The following USH2A variants were observed in gnomAD, a reference collection of about 807,000 sequenced individuals.
USH2A encodes usherin, also known as Usher syndrome 2A (autosomal recessive, mild).
Under a neutral mutation model 538.9 loss-of-function variants are expected in USH2A, and 443 were observed. That is an observed-to-expected ratio of 0.82 (90% CI 0.76 to 0.89). The LOEUF (loss-of-function observed/expected upper bound fraction) is 0.89, where lower values mean the gene tolerates loss of function less well. Ranked by LOEUF, USH2A falls within the 40% of genes least tolerant of loss-of-function variation. The pLI, the probability that USH2A is intolerant of heterozygous loss-of-function variation, is 0.00. For missense variants in USH2A, 6,633 were observed against 6,324.8 expected (o/e 1.05, Z -1.65); for synonymous variants, 2,413 against 2,273.5 (o/e 1.06, Z -1.75).
Position 216,418,515 on chromosome 1 carries a change from T to G in USH2A, c.650A>C (p.Gln217Pro), listed in dbSNP as rs1448586895. 7.4e-6 allele frequency: 12 copies of G among 1,612,936 alleles called. No homozygotes were observed. The highest frequency in any genetic ancestry group is 1.0e-5 in the Non-Finnish European group (12 of 1,179,412). ...TTAAATATTTTTTATTTTACTCACC[T>G]GCACACTAAGATGAATCCATTTCTT... ...LVKKWIHLSV[Q>P]VHQTKISFFI... Residue 217 changes from glutamine (Q) to proline (P), a missense_variant and splice_region_variant, in exon 3 of 72, where the codon CAG (glutamine) becomes CCG (proline). By Grantham distance (76) the Gln-to-Pro change is moderately conservative. Transcript: ENST00000307340.
At chr1:216,406,477 T>C (rs2039395915) in intron 3 of USH2A, among the ~76,000 whole-genome samples, 2 of 152,152 alleles carry the variant, frequency 1.3e-5, no homozygotes, top group Admixed American at 6.5e-5. Flanking sequence ...TGGACAGACT[T>C]TTCTATGTCA....
chr1:215,765,463 G>A (rs1336881432), intron 56 of USH2A, among the ~76,000 whole-genome samples: 1 of 152,096 alleles, frequency 6.6e-6, no homozygotes. Context: ...AAGAGTAATG[G>A]ACAAGTAGTT....
In USH2A at chr1:216,289,387, C is replaced by G. The variant is rs1399999249; in HGVS notation, c.1864G>C (p.Asp622His). 4 of 1,613,794 alleles carry G rather than the reference C, an allele frequency of 2.5e-6. No individual in the cohort carries two copies. Among genetic ancestry groups the G allele is most frequent in the Non-Finnish European group, 3.4e-6 (4 of 1,179,850 alleles). ...TTGRNCELCK[D>H]YFFRQVGADP... ...GCACCAACTTGTCGGAAAAAGTAAT[C>G]CTTGCACAGCTCACAGTTCCTTCCT... The change falls in exon 11 of 72, where the codon GAT (aspartate) becomes CAT (histidine). Residue 622 changes from aspartate (D) to histidine (H), a missense_variant. Asp to His is a moderately conservative substitution (Grantham distance 81, BLOSUM62 -1). Transcript: ENST00000307340.
At position 215,648,726 on chromosome 1, in the gene USH2A, A is replaced by T; in HGVS notation, c.14384T>A (p.Leu4795His). Residue 4795 changes from leucine to histidine, a missense_variant, in exon 66 of 72, where the codon CTT becomes CAT. Coordinates refer to ENST00000307340, the MANE Select transcript of USH2A (RefSeq NM_206933.4). ...GMATQQTLHGLQAFTNYSIGV... is the reference protein window; with the variant it reads ...GMATQQTLHGHQAFTNYSIGV... ...AATAGAGTAGTTAGTGAAGGCTTGA[A>T]GGCCATGGAGAGTCTGCTGGGTGGC... 6.2e-7 allele frequency: 1 copy of T among 1,614,196 alleles called. No individual in the cohort carries two copies. The highest frequency in any genetic ancestry group is 1.1e-5 in the South Asian group (1 of 91,088).
chr1:216,418,128 T>C (rs755079943), intron 3 of USH2A, among the ~76,000 whole-genome samples: 28 of 152,116 alleles, frequency 1.8e-4, no homozygotes, highest in Non-Finnish European at 4.0e-4. Context: ...GAAAGACAGA[T>C]GTAAAAATCA....
chr1:216,081,369 C>T (rs1322100863), intron 26 of USH2A, among the ~76,000 whole-genome samples: 1 of 152,106 alleles, frequency 6.6e-6, no homozygotes, highest in African/African-American at 2.4e-5. Context: ...TGGAAACATT[C>T]TGAGTTTATC....
At chr1:215,661,180 G>C (rs1234935258) in intron 64 of USH2A, among the ~76,000 whole-genome samples, 2 of 152,120 alleles carry the variant, frequency 1.3e-5, no homozygotes, top group Non-Finnish European at 2.9e-5. Flanking sequence ...CTGAGTGTGG[G>C]GGACGAGCTG....
rs980289073 is a variant in USH2A, at chr1:216,088,239, T to A, written c.4885+774A>T. 2.0e-5 allele frequency among the ~76,000 whole-genome samples: 3 copies of A among 152,032 alleles called. No individual in the cohort carries two copies. The South Asian group carries it at 6.2e-4, about 32-fold the overall frequency. On this transcript the variant is annotated intron_variant, in intron 23 of 71. Transcript: ENST00000307340. ...AATGTCACCTCATCAGAGAGACCTT[T>A]CTTAACACACACACGCACATACACA...
chr1:215,839,550 T>C (rs1179547264), intron 46 of USH2A, among the ~76,000 whole-genome samples: 1 of 152,200 alleles, frequency 6.6e-6, no homozygotes, highest in Admixed American at 6.5e-5. Flanking sequence ...TATTCAAATG[T>C]TTCTCCAGAA....
chr1:216,391,781 C>T (rs780368236), intron 3 of USH2A, among the ~76,000 whole-genome samples: 72 of 152,314 alleles, frequency 4.7e-4, no homozygotes, highest in Admixed American at 1.6e-3. Context: ...TCCCCTTGGG[C>T]GCTGTGACCT....
intron 37 of USH2A, among the ~76,000 whole-genome samples, chr1:215,963,053 T>C (rs1667240635): frequency 6.6e-6 from 1 of 152,134 alleles, no homozygotes; most frequent in African/African-American, 2.4e-5. Flanking sequence ...TTTCCCTATC[T>C]TATAAATTCT....
intron 21 of USH2A, among the ~76,000 whole-genome samples, chr1:216,164,828 T>C (rs1456300701): frequency 6.6e-6 from 1 of 152,158 alleles, no homozygotes; most frequent in East Asian, 1.9e-4. Flanking sequence ...AATTACAGAA[T>C]GCTGGTCACA....
intron 61 of USH2A, among the ~76,000 whole-genome samples, chr1:215,683,886 C>G (rs778507749): frequency 6.6e-6 from 1 of 152,136 alleles, no homozygotes; most frequent in African/African-American, 2.4e-5. Context: ...TCCCTGACTT[C>G]TGGCCTGCCA....
In USH2A at chr1:215,763,951, C is replaced by T. The variant is rs150273417; in HGVS notation, c.11047+2730G>A. The stretch of plus-strand genomic sequence containing the variant: ...TGGAAAAGGGAGCCATCAAGAGTGT[C>T]AAGCTTTGGGCTTAGGTGATAGGTA... On this transcript the variant is annotated intron_variant, in intron 56 of 71. Transcript: ENST00000307340. Among the ~76,000 whole-genome samples the T allele has an allele frequency of 1.4e-4, 22 of 152,150 alleles. 1 individual carries two copies. In the East Asian group the frequency reaches 4.3e-3, roughly 29 times the overall value.
At chr1:216,192,658 C>T (rs919169687) in intron 19 of USH2A, among the ~76,000 whole-genome samples, 26 of 151,980 alleles carry the variant, frequency 1.7e-4, no homozygotes, top group Admixed American at 7.9e-4. Flanking sequence ...ACTGAGATTG[C>T]GCCACTGCAC....
Position 216,048,548 on chromosome 1 carries a change from G to A in USH2A, c.6149C>T (p.Ser2050Phe), listed in dbSNP as rs781468106. ...AATTACTTTACCTTCTTGTGGAGTA[G>A]AGATGTTCAATGCATGTGAGCTCTC... ...CTESSHALNISTPQEAPQEVQ... is the reference protein window; with the variant it reads ...CTESSHALNIFTPQEAPQEVQ... Residue 2050 changes from serine to phenylalanine, a missense_variant, in exon 31 of 72, where the codon TCT becomes TTT. Transcript: ENST00000307340. 6.2e-7 allele frequency: 1 copy of A among 1,613,958 alleles called. No individual in the cohort carries two copies. Among genetic ancestry groups the A allele is most frequent in the South Asian group, 1.1e-5 (1 of 91,076 alleles).
intron 55 of USH2A, among the ~76,000 whole-genome samples, chr1:215,767,581 TG>T (rs1237041548): frequency 1.3e-5 from 2 of 152,176 alleles, no homozygotes; most frequent in Non-Finnish European, 2.9e-5. Flanking sequence ...GTATGGTAAT[TG>T]TTCAGTAAGT....
chr1:215,651,770 T>A (rs1160858622), intron 64 of USH2A, among the ~76,000 whole-genome samples: 2 of 152,248 alleles, frequency 1.3e-5, no homozygotes, highest in African/African-American at 4.8e-5. Context: ...GTTTCATTTT[T>A]GTTTACTTTG....
chr1:216,416,947 G>A (rs1383710365), intron 3 of USH2A, among the ~76,000 whole-genome samples: 7 of 152,060 alleles, frequency 4.6e-5, no homozygotes, highest in African/African-American at 1.7e-4. Context: ...ACCCAATTCT[G>A]TAGGACTGGT....
Sources: gnomAD v4.1 joint callset for allele counts (sites outside exome capture counted in the v4.1 genomes callset) on GRCh38, gnomAD v4.1.1 for gene constraint, MANE v1.5 for transcripts, NCBI Gene and HGNC (gene_info 2026-07-23, HGNC 2026-07-21) for gene names.